The following TRPC7 variants were observed in gnomAD, a reference collection of about 807,000 sequenced individuals.
TRPC7 encodes transient receptor potential cation channel subfamily C member 7, also known as short transient receptor potential channel 7.
TRPC7 carries 42 observed loss-of-function variants against 90.1 expected under a neutral mutation model. That is an observed-to-expected ratio of 0.47 (90% CI 0.36 to 0.60). TRPC7 has a LOEUF of 0.60. TRPC7 is among the 20% of genes least tolerant of loss of function. The pLI is 0.00. For missense variants in TRPC7, 955 were observed against 1,112.3 expected (o/e 0.86, Z 2.01); for synonymous variants, 451 against 436.3 (o/e 1.03, Z -0.42).
At chr5:136,227,034 G>A (rs1755651878) in intron 8 of TRPC7, among the ~76,000 whole-genome samples, 1 of 152,144 alleles carries the variant, frequency 6.6e-6, no homozygotes, top group Non-Finnish European at 1.5e-5. Context: ...GTGCTGCCAG[G>A]GAGGATGTTT....
At chr5:136,298,350 C>T (rs1318726140) in intron 3 of TRPC7, among the ~76,000 whole-genome samples, 1 of 152,130 alleles carries the variant, frequency 6.6e-6, no homozygotes, top group Non-Finnish European at 1.5e-5. Context: ...GATCAGTGAG[C>T]AGGAGGGAGT....
Position 136,226,264 on chromosome 5 carries a change from CA to C in TRPC7, c.2041-10del. On this transcript the variant is annotated splice_polypyrimidine_tract_variant and intron_variant, in intron 8 of 11. Coordinates refer to ENST00000513104, the MANE Select transcript of TRPC7 (RefSeq NM_020389.3). ...TCCACATCTGCATCCTCCTGTGGAA[CA>C]AGGGAAACAACAACACACCCTCAAA... 6.5e-7 allele frequency: 1 copy of C among 1,547,546 alleles called. No homozygotes were observed. Among genetic ancestry groups the C allele is most frequent in the South Asian group, 1.2e-5 (1 of 83,900 alleles).
intron 3 of TRPC7, among the ~76,000 whole-genome samples, chr5:136,291,882 A>AC (rs1757970657): frequency 6.6e-6 from 1 of 152,222 alleles, no homozygotes; most frequent in African/African-American, 2.4e-5. Context: ...AATTGACCAC[A>AC]TAGTTGGAAG....
intron 3 of TRPC7, among the ~76,000 whole-genome samples, chr5:136,307,785 G>C (rs147988407): frequency 6.6e-6 from 1 of 152,158 alleles, no homozygotes. Context: ...TTAAGGTGTC[G>C]GGCTTGAGAA....
intron 3 of TRPC7, among the ~76,000 whole-genome samples, chr5:136,288,026 T>C (rs538912064): frequency 6.6e-6 from 1 of 152,340 alleles, no homozygotes; most frequent in African/African-American, 2.4e-5. Flanking sequence ...GGATATGATG[T>C]GCCAGACATT....
intron 5 of TRPC7, among the ~76,000 whole-genome samples, chr5:136,255,063 G>T (rs1034238392): frequency 2.6e-5 from 4 of 152,206 alleles, no homozygotes; most frequent in Non-Finnish European, 5.9e-5. Context: ...ATGAGGAATT[G>T]TTTCTTATGG....
rs577279951 is a variant in TRPC7, at chr5:136,321,820, G to A, written c.781-6041C>T. Among the ~76,000 whole-genome samples the A allele has an allele frequency of 5.8e-4, 88 of 152,150 alleles. 1 individual carries two copies. Among genetic ancestry groups the A allele is most frequent in the African/African-American group, 2.1e-3 (87 of 41,518 alleles). ...ATGTACTATATAAGCTTTTGAGACTGGGTCCTTTCCCTCAGCTTGATCACT... is the reference window on the plus strand; with the variant it reads ...ATGTACTATATAAGCTTTTGAGACTAGGTCCTTTCCCTCAGCTTGATCACT... On this transcript the variant is annotated intron_variant, in intron 2 of 11. Coordinates refer to ENST00000513104, the MANE Select transcript of TRPC7 (RefSeq NM_020389.3).
At chr5:136,346,911 G>T (rs753167050) in intron 2 of TRPC7, among the ~76,000 whole-genome samples, 1 of 152,130 alleles carries the variant, frequency 6.6e-6, no homozygotes, top group Non-Finnish European at 1.5e-5. Flanking sequence ...ATTTGCTGGC[G>T]TAACTAGTTA....
chr5:136,290,471 G>A (rs1048198791), intron 3 of TRPC7, among the ~76,000 whole-genome samples: 10 of 152,176 alleles, frequency 6.6e-5, no homozygotes, highest in South Asian at 2.1e-4. Context: ...TGAAAACCAC[G>A]GCATGAGAAC....
At chr5:136,255,227 T>G (rs540265357) in intron 5 of TRPC7, among the ~76,000 whole-genome samples, 1 of 152,352 alleles carries the variant, frequency 6.6e-6, no homozygotes, top group African/African-American at 2.4e-5. Context: ...AAAGAAGTTC[T>G]ACTTTGGGTC....
At chr5:136,341,978 GC>G (rs1759859912) in intron 2 of TRPC7, among the ~76,000 whole-genome samples, 1 of 152,016 alleles carries the variant, frequency 6.6e-6, no homozygotes, top group Non-Finnish European at 1.5e-5. Context: ...TTTAATTCCA[GC>G]TCCCTCTTGT....
At chr5:136,345,291 C>T (rs558185495) in intron 2 of TRPC7, among the ~76,000 whole-genome samples, 58 of 152,266 alleles carry the variant, frequency 3.8e-4, no homozygotes, top group Non-Finnish European at 7.2e-4. Flanking sequence ...CACGGTGGCT[C>T]ACGCCTGTAA....
At chr5:136,289,061 C>T (rs1757837529) in intron 3 of TRPC7, among the ~76,000 whole-genome samples, 1 of 152,208 alleles carries the variant, frequency 6.6e-6, no homozygotes, top group East Asian at 1.9e-4. Flanking sequence ...TCCTTTTCAC[C>T]TTTTCTAATA....
At chr5:136,223,211 G>T (rs1350312979) in intron 10 of TRPC7, among the ~76,000 whole-genome samples, 1 of 152,242 alleles carries the variant, frequency 6.6e-6, no homozygotes, top group African/African-American at 2.4e-5. Flanking sequence ...AGCTGTAGAT[G>T]ACCAATCTCT....
intron 7 of TRPC7, among the ~76,000 whole-genome samples, chr5:136,232,611 A>T (rs2149797630): frequency 6.6e-6 from 1 of 152,326 alleles, no homozygotes; most frequent in African/African-American, 2.4e-5. Context: ...CTTTAACGAC[A>T]CTGCTCTTTG....
intron 7 of TRPC7, among the ~76,000 whole-genome samples, chr5:136,238,547 G>C (rs1490397798): frequency 1.3e-5 from 2 of 152,354 alleles, no homozygotes; most frequent in Admixed American, 1.3e-4. Flanking sequence ...CTGTCACTTA[G>C]AGAAATGGCA....
chr5:136,352,924 C>T (rs1177492145), intron 2 of TRPC7, among the ~76,000 whole-genome samples: 1 of 152,156 alleles, frequency 6.6e-6, no homozygotes, highest in Non-Finnish European at 1.5e-5. Context: ...AATCCACCCA[C>T]GTAGGAAGAG....
chr5:136,356,738 G>A lies in TRPC7; in HGVS notation c.650C>T (p.Ser217Leu), dbSNP rs544029791. The change falls in exon 2 of 12, where the codon TCG becomes TTG. Residue 217 changes from serine (S) to leucine (L), a missense_variant. Physicochemically the swap from Ser to Leu is moderately radical, Grantham distance 145. This residue lies in a region of TRPC7 where 484 missense variants were observed against 509.6 expected (regional missense o/e 0.95). Coordinates refer to ENST00000513104, the MANE Select transcript of TRPC7 (RefSeq NM_020389.3). ...CAGTCCTTTGTAGGCGTTCATGCGC[G>A]AGCGCGAGTGGCTGAAGGAGTCTTT... is the stretch of plus-strand genomic sequence containing the variant. ...QRKDSFSHSRSRMNAYKGLAS... is the reference protein window; with the variant it reads ...QRKDSFSHSRLRMNAYKGLAS... 3.7e-5 allele frequency: 60 copies of A among 1,612,488 alleles called. No individual in the cohort carries two copies. In the East Asian group the frequency reaches 1.3e-3, roughly 35 times the overall value.
At chr5:136,243,899 C>T (rs1756247970) in intron 7 of TRPC7, among the ~76,000 whole-genome samples, 1 of 152,082 alleles carries the variant, frequency 6.6e-6, no homozygotes, top group South Asian at 2.1e-4. Context: ...TTGCCGCCTC[C>T]CCACCCTTTA....
Sources: gnomAD v4.1 joint callset for allele counts (sites outside exome capture counted in the v4.1 genomes callset) on GRCh38, gnomAD v4.1.1 for gene constraint, gnomAD v4.1.1 regional missense constraint, MANE v1.5 for transcripts, NCBI Gene and HGNC (gene_info 2026-07-23, HGNC 2026-07-21) for gene names.